SUMF1: variants seen among roughly 807,000 people sequenced by gnomAD.
SUMF1 encodes the protein formylglycine-generating enzyme.
A neutral mutation model predicts 47.6 loss-of-function variants in SUMF1; 48 were observed. That is an observed-to-expected ratio of 1.01 (90% CI 0.80 to 1.28). The LOEUF is 1.28. SUMF1 is among the 50% of genes most tolerant of loss of function. The probability of loss-of-function intolerance (pLI) is 0.00; values close to 1 mark genes in which losing one functional copy is unlikely to be tolerated. For missense variants in SUMF1, 571 were observed against 485.4 expected (o/e 1.18, Z -1.66); for synonymous variants, 230 against 192.1 (o/e 1.20, Z -1.63).
chr3:4,276,022 G>A (rs1386625063), intron 8 of SUMF1, among the ~76,000 whole-genome samples: 2 of 152,092 alleles, frequency 1.3e-5, no homozygotes, highest in East Asian at 3.9e-4. Flanking sequence ...CTATCCATAA[G>A]AAATAAAATA....
chr3:4,293,528 A>G (rs1455858393), intron 8 of SUMF1, among the ~76,000 whole-genome samples: 2 of 152,214 alleles, frequency 1.3e-5, no homozygotes, highest in Non-Finnish European at 2.9e-5. Context: ...CGGCATTTTT[A>G]TTACTACCAA....
intron 7 of SUMF1, among the ~76,000 whole-genome samples, chr3:4,394,023 A>G (rs1700961044): frequency 6.6e-6 from 1 of 152,230 alleles, no homozygotes; most frequent in Admixed American, 6.5e-5. Context: ...TGAGATAATT[A>G]AGGACATGTA....
At chr3:4,062,653 T>C (rs1465962474) in intron 9 of SUMF1, among the ~76,000 whole-genome samples, 1 of 152,164 alleles carries the variant, frequency 6.6e-6, no homozygotes, top group East Asian at 1.9e-4. Context: ...GGAATATTTA[T>C]GAATCTTAAA....
At chr3:4,379,445 C>T (rs377760612) in intron 7 of SUMF1, among the ~76,000 whole-genome samples, 1 of 152,144 alleles carries the variant, frequency 6.6e-6, no homozygotes, top group South Asian at 2.1e-4. Flanking sequence ...GAGAAGGATT[C>T]CTGGAAGTCA....
rs565109580 is a variant in SUMF1 at position 4,148,812 on chromosome 3, A to G, written c.1015-80067T>C. Among the ~76,000 whole-genome samples, 6 of 152,316 alleles carry G rather than the reference A, an allele frequency of 3.9e-5. No homozygotes were observed. The South Asian group carries it at 1.0e-3, about 26-fold the overall frequency. On this transcript the variant is annotated intron_variant and NMD_transcript_variant, in intron 8 of 12. Coordinates refer to the SUMF1 transcript ENST00000448413. ...TCCTAAACTAGATCTCTATAGACCCATAAGGCAGAAATCACCAAATCTCAC... is the reference window on the plus strand; with the variant it reads ...TCCTAAACTAGATCTCTATAGACCCGTAAGGCAGAAATCACCAAATCTCAC...
At chr3:4,353,715 AG>A (rs1415710546) in intron 8 of SUMF1, among the ~76,000 whole-genome samples, 1 of 152,142 alleles carries the variant, frequency 6.6e-6, no homozygotes, top group Non-Finnish European at 1.5e-5. Context: ...GCCCCCTGAA[AG>A]GGGGCTGGAG....
chr3:4,051,073 G>T (rs1292878957), intron 9 of SUMF1, among the ~76,000 whole-genome samples: 1 of 151,114 alleles, frequency 6.6e-6, no homozygotes, highest in Non-Finnish European at 1.5e-5. Flanking sequence ...CCTGCAATGC[G>T]AGTACTCAAG....
chr3:4,280,750 C>G (rs999548694), intron 8 of SUMF1, among the ~76,000 whole-genome samples: 1 of 151,958 alleles, frequency 6.6e-6, no homozygotes, highest in East Asian at 1.9e-4. Flanking sequence ...CCAGGCCTCC[C>G]TCCTAGTGTC....
At chr3:4,100,779 A>G (rs1371752068) in intron 8 of SUMF1, among the ~76,000 whole-genome samples, 1 of 152,138 alleles carries the variant, frequency 6.6e-6, no homozygotes, top group Non-Finnish European at 1.5e-5. Context: ...TATTCAAAAT[A>G]TATAAAGAAC....
intron 8 of SUMF1, among the ~76,000 whole-genome samples, chr3:4,268,429 A>G (rs1158522841): frequency 1.3e-5 from 2 of 152,180 alleles, no homozygotes; most frequent in African/African-American, 4.8e-5. Flanking sequence ...AACTTAAAGT[A>G]TAATAAAAAA....
At chr3:4,418,999 T>A (rs115485876) in intron 4 of SUMF1, among the ~76,000 whole-genome samples, 2,226 of 152,318 alleles carry the variant, frequency 0.015, 24 homozygotes, top group Middle Eastern at 0.031. Flanking sequence ...AGGCCTTTCA[T>A]TTATTCTTTC....
At chr3:4,353,012 T>G (rs1699537408) in intron 8 of SUMF1, among the ~76,000 whole-genome samples, 1 of 152,118 alleles carries the variant, frequency 6.6e-6, no homozygotes, top group African/African-American at 2.4e-5. Flanking sequence ...AGCTCTCAGG[T>G]TTTTTGGTTT....
At chr3:4,085,975 T>C (rs144759772) in intron 8 of SUMF1, among the ~76,000 whole-genome samples, 7 of 152,056 alleles carry the variant, frequency 4.6e-5, no homozygotes, top group Admixed American at 2.0e-4. Flanking sequence ...AAACTGAAAT[T>C]TGCAAATATC....
intron 1 of SUMF1, among the ~76,000 whole-genome samples, chr3:4,453,970 T>C (rs1703067863): frequency 6.6e-6 from 1 of 152,186 alleles, no homozygotes; most frequent in Admixed American, 6.5e-5. Flanking sequence ...GCCCCACTTT[T>C]TTCTTTATAC....
chr3:4,049,412 T>G (rs1158979752), intron 9 of SUMF1, among the ~76,000 whole-genome samples: 2 of 152,178 alleles, frequency 1.3e-5, no homozygotes, highest in African/African-American at 2.4e-5. Context: ...AAATATTTGC[T>G]GGATGGCACT....
At chr3:4,341,877 C>T (rs953773225) in intron 8 of SUMF1, among the ~76,000 whole-genome samples, 2 of 152,128 alleles carry the variant, frequency 1.3e-5, no homozygotes, top group Non-Finnish European at 2.9e-5. Context: ...AGAAGTCATT[C>T]ATTTGAAAAT....
chr3:4,214,221 A>G (rs1199340340), intron 8 of SUMF1, among the ~76,000 whole-genome samples: 1 of 152,236 alleles, frequency 6.6e-6, no homozygotes, highest in East Asian at 1.9e-4. Context: ...CTCAGACCAC[A>G]GTGCAATCAC....
At chr3:4,181,201 T>C (rs1192159957) in intron 8 of SUMF1, among the ~76,000 whole-genome samples, 2 of 152,152 alleles carry the variant, frequency 1.3e-5, no homozygotes, top group South Asian at 2.1e-4. Context: ...GGAACATTTT[T>C]TAATTCATGT....
At chr3:4,221,394 C>T (rs997380002) in intron 8 of SUMF1, among the ~76,000 whole-genome samples, 1 of 147,544 alleles carries the variant, frequency 6.8e-6, no homozygotes, top group Non-Finnish European at 1.5e-5. Flanking sequence ...GCAGCAAATG[C>T]TTTGGGTTTG....
Sources: allele counts gnomAD v4.1 joint callset (sites outside exome capture counted in the v4.1 genomes callset), GRCh38; gene constraint gnomAD v4.1.1; transcripts MANE v1.5; gene names NCBI Gene and HGNC (gene_info 2026-07-23, HGNC 2026-07-21).